RBBP6: variants seen among roughly 807,000 people sequenced by gnomAD.
The protein encoded by RBBP6 is RB binding protein 6, ubiquitin ligase, also known as E3 ubiquitin-protein ligase RBBP6.
In RBBP6, 25 loss-of-function variants were observed where a neutral mutation model predicts 167.7. The observed-to-expected ratio is 0.15, with a 90% confidence interval of 0.11 to 0.21. The LOEUF (loss-of-function observed/expected upper bound fraction) is 0.21, where lower values mean the gene tolerates loss of function less well. Ranked by LOEUF, RBBP6 falls within the 10% of genes least tolerant of loss-of-function variation. The pLI is 1.00. For missense variants in RBBP6, 1,868 were observed against 2,134.2 expected, an observed-to-expected ratio of 0.88 and a Z score of 2.46; for synonymous variants, 789 against 735.8, an observed-to-expected ratio of 1.07 and a Z score of -1.17.
Position 24,564,736 on chromosome 16 carries a change from A to G in RBBP6, c.1521-61A>G, listed in dbSNP as rs1899152085. ...TTGGTGTCTTAACAGCTATGCATGG[A>G]AAGGTCATGTATTATACCCATGGAG... On this transcript the variant is annotated intron_variant, in intron 13 of 17. Coordinates refer to ENST00000319715, the MANE Select transcript of RBBP6 (RefSeq NM_006910.5). 4 of 1,539,440 alleles carry G rather than the reference A, an allele frequency of 2.6e-6. No homozygotes were observed. In the East Asian group the frequency reaches 7.0e-5, roughly 27 times the overall value.
At chr16:24,563,172 A>G in intron 10 of RBBP6, 27 bp from the exon 11 acceptor site, 1 of 1,533,328 alleles carries the variant, frequency 6.5e-7, no homozygotes, top group East Asian at 2.3e-5. Flanking sequence ...ATAATTTTTA[A>G]TGTATTATAA....
At chr16:24,548,424 A>G (rs896816464) in intron 2 of RBBP6, among the ~76,000 whole-genome samples, 8 of 151,540 alleles carry the variant, frequency 5.3e-5, no homozygotes, top group African/African-American at 7.3e-5. Flanking sequence ...CTCTTGTTCA[A>G]TCCTTGATTG....
At position 24,553,528 on chromosome 16, in the gene RBBP6, G is replaced by A. The variant is rs778754014; in HGVS notation, c.319G>A (p.Ala107Thr). The A allele has an allele frequency of 4.7e-5, 75 of 1,609,600 alleles. No individual in the cohort carries two copies. Among genetic ancestry groups the A allele is most frequent in the Middle Eastern group, 1.7e-4 (1 of 5,950 alleles). ...TTGTGAACAGATTGATGACTCTTCC[G>A]CGTCTATTTCTCTGGCCCAGCTTAC... Reference protein sequence around the residue: ...ATTKAIDDSSASISLAQLTKT... With the variant: ...ATTKAIDDSSTSISLAQLTKT... The change falls in exon 4 of 18, where the codon GCG becomes ACG. Residue 107 changes from alanine to threonine, a missense_variant. This residue lies in a region of RBBP6 where 184 missense variants were observed against 327.7 expected (regional missense o/e 0.56). Coordinates refer to ENST00000319715, the MANE Select transcript of RBBP6 (RefSeq NM_006910.5).
chr16:24,545,807 G>A (rs781091864), intron 1 of RBBP6, among the ~76,000 whole-genome samples: 6 of 152,252 alleles, frequency 3.9e-5, no homozygotes, highest in South Asian at 2.1e-4. Flanking sequence ...CTCAACTAAC[G>A]TTTAGGGACT....
In RBBP6 at chr16:24,572,178, C is replaced by T. The variant is rs376394944; in HGVS notation, c.5112C>T (p.His1704=). 2.2e-5 allele frequency: 36 copies of T among 1,614,026 alleles called. No homozygotes were observed. The highest frequency in any genetic ancestry group is 2.9e-5 in the Non-Finnish European group (34 of 1,180,036). ...SSPSVSPSRS[H]SPSGSQTRSH... ...CCAGCGTCAGCCCCAGCAGAAGCCACAGTCCTTCTGGAAGCCAGACCCGAA... is the reference window on the plus strand; with the variant it reads ...CCAGCGTCAGCCCCAGCAGAAGCCATAGTCCTTCTGGAAGCCAGACCCGAA... The change falls in exon 18 of 18, where the codon CAC becomes CAT. Residue 1704 remains histidine, a synonymous_variant. Transcript: ENST00000319715.
At chr16:24,561,591 T>C in intron 8 of RBBP6, 21 bp from the exon 9 acceptor site, 1 of 1,579,024 alleles carries the variant, frequency 6.3e-7, no homozygotes, top group Non-Finnish European at 8.7e-7. Flanking sequence ...CTTTTATTAA[T>C]ATTTGAAATC....
At position 24,571,103 on chromosome 16, in the gene RBBP6, C is replaced by G. The variant is rs747561366; in HGVS notation, c.4037C>G (p.Ala1346Gly). 1.9e-6 allele frequency: 3 copies of G among 1,612,210 alleles called. No homozygotes were observed. The highest frequency in any genetic ancestry group is 2.2e-5 in the South Asian group (2 of 90,846). Residue 1346 changes from alanine to glycine, a missense_variant, in exon 18 of 18, where the codon GCT (alanine) becomes GGT (glycine). Ala to Gly is a moderately conservative substitution (Grantham distance 60). This residue lies in a region of RBBP6 where 591 missense variants were observed against 540.5 expected (regional missense o/e 1.09). Coordinates refer to ENST00000319715, the MANE Select transcript of RBBP6 (RefSeq NM_006910.5). ...TQPISSVGKPASVIKNVSTKP... is the reference protein window; with the variant it reads ...TQPISSVGKPGSVIKNVSTKP... The stretch of plus-strand genomic sequence containing the variant: ...CCTATATCAAGTGTAGGAAAACCTG[C>G]TAGTGTTATAAAAAATGTTAGTACA...
intron 13 of RBBP6, among the ~76,000 whole-genome samples, chr16:24,564,158 A>T (rs1899138998): frequency 6.6e-6 from 1 of 152,064 alleles, no homozygotes; most frequent in Non-Finnish European, 1.5e-5. Flanking sequence ...AAGAACTTTG[A>T]TTTTCTCTGT....
chr16:24,553,349 G>C, intron 3 of RBBP6, 164 bp from the exon 4 acceptor site: 1 of 531,516 alleles, frequency 1.9e-6, no homozygotes, highest in East Asian at 2.9e-5. Context: ...GAAATATCTA[G>C]AGAAGAATGA....
chr16:24,561,081 G>A (rs137911913), intron 8 of RBBP6, among the ~76,000 whole-genome samples: 104 of 152,248 alleles, frequency 6.8e-4, no homozygotes, highest in African/African-American at 2.4e-3. Context: ...GTACTGTGCT[G>A]TAGGTCTCTC....
Position 24,563,293 on chromosome 16 carries a change from A to C in RBBP6, c.1384A>C (p.Lys462Gln). The change falls in exon 11 of 18, where the codon AAG (lysine) becomes CAG (glutamine). Residue 462 changes from lysine (K) to glutamine (Q), a missense_variant and splice_region_variant. Transcript: ENST00000319715. ...TGCAATTACCGCTCTTATGGAAGAG[A>C]AGGTAAATTTTACTGGTGCTTTAAT... is the stretch of plus-strand genomic sequence containing the variant. ...SIAITALMEEKGYQVPVLGTP... is the reference protein window; with the variant it reads ...SIAITALMEEQGYQVPVLGTP... 6.2e-7 allele frequency: 1 copy of C among 1,607,302 alleles called. No homozygotes were observed. Among genetic ancestry groups the C allele is most frequent in the Admixed American group, 1.7e-5 (1 of 59,518 alleles).
intron 10 of RBBP6, among the ~76,000 whole-genome samples, 168 bp downstream of exon 10, chr16:24,562,329 G>T (rs528247806): frequency 6.6e-6 from 1 of 152,178 alleles, no homozygotes; most frequent in African/African-American, 2.4e-5. Flanking sequence ...GAAAACAAAC[G>T]TGATTGATTT....
chr16:24,564,988 C>CTTAA, intron 14 of RBBP6, 123 bp downstream of exon 14: 2 of 1,399,738 alleles, frequency 1.4e-6, no homozygotes, highest in Non-Finnish European at 1.9e-6. Flanking sequence ...TGTGCTTATC[C>CTTAA]CTCTTAAGTC....
intron 1 of RBBP6, among the ~76,000 whole-genome samples, chr16:24,541,815 A>G (rs1898507632): frequency 6.6e-6 from 1 of 152,182 alleles, no homozygotes; most frequent in Admixed American, 6.5e-5. Context: ...TGAAGTTACA[A>G]TTAGGTTAGG....
chr16:24,548,074 G>C (rs1317538636), intron 2 of RBBP6, among the ~76,000 whole-genome samples: 1 of 151,440 alleles, frequency 6.6e-6, no homozygotes, highest in Non-Finnish European at 1.5e-5. Flanking sequence ...CACACACCTA[G>C]AAACTCCTGT....
At chr16:24,557,937 GC>G (rs1238750045) in intron 7 of RBBP6, among the ~76,000 whole-genome samples, 1 of 152,140 alleles carries the variant, frequency 6.6e-6, no homozygotes, top group African/African-American at 2.4e-5. Flanking sequence ...TCCCAACCCT[GC>G]TCACTTCCTC....
In RBBP6 at chr16:24,569,852, A is replaced by C; in HGVS notation, c.3162A>C (p.Arg1054=). 1.2e-6 allele frequency: 2 copies of C among 1,611,042 alleles called. No homozygotes were observed. The highest frequency in any genetic ancestry group is 1.7e-6 in the Non-Finnish European group (2 of 1,179,358). The change falls in exon 17 of 18, where the codon CGA becomes CGC. Residue 1054 remains arginine (R), a synonymous_variant. Transcript: ENST00000319715. The stretch of plus-strand genomic sequence containing the variant: ...ATGGAGAACGTGAGAGATCTCCTCG[A>C]TCTGAACCTCCAATTAAAAAAGCCA... ...KVDGERERSP[R]SEPPIKKAKE...
Position 24,572,503 on chromosome 16 carries a change from T to A in RBBP6, c.*58T>A. 2.0e-6 allele frequency: 3 copies of A among 1,469,134 alleles called. No homozygotes were observed. Among genetic ancestry groups the A allele is most frequent in the African/African-American group, 2.9e-5 (2 of 70,162 alleles). The allele number at this position is 1,469,134 out of a possible 1,614,324, so 91.0% of individuals were successfully genotyped here. A position where few individuals can be genotyped will look rare whatever the true frequency, so the allele number is the denominator to read the frequency against. On this transcript the variant is annotated 3_prime_UTR_variant, in exon 18 of 18. Transcript: ENST00000319715. ...AAGTCATCTGTATTAAATTTTGTTA[T>A]AATGTAAAGAGATTCAAGCCTTGTA...
intron 4 of RBBP6, 50 bp downstream of exon 4, chr16:24,553,607 TA>T (rs756588886): frequency 4.6e-5 from 65 of 1,424,674 alleles, no homozygotes; most frequent in Admixed American, 8.0e-5. Context: ...TCTAACATCA[TA>T]TTTTTTTATG....
Sources: allele counts gnomAD v4.1 joint callset (sites outside exome capture counted in the v4.1 genomes callset), GRCh38; gene constraint gnomAD v4.1.1; regional missense constraint gnomAD v4.1.1; transcripts MANE v1.5; gene names NCBI Gene and HGNC (gene_info 2026-07-23, HGNC 2026-07-21).